Variants in CNTN4 observed in about 807,000 individuals in gnomAD.
CNTN4 encodes contactin 4.
CNTN4 carries 77 observed loss-of-function variants against 122.5 expected under a neutral mutation model. The observed-to-expected ratio is 0.63, with a 90% CI of 0.52 to 0.76. The LOEUF is 0.76. Among genes scored for constraint, CNTN4 ranks in the 30% least tolerant of loss-of-function variants. The pLI is 0.00. For missense variants in CNTN4, 1,256 were observed against 1,259.1 expected, an observed-to-expected ratio of 1.00 and a Z score of 0.04; for synonymous variants, 512 against 447.0, an observed-to-expected ratio of 1.15 and a Z score of -1.83.
intron 2 of CNTN4, among the ~76,000 whole-genome samples, chr3:2,212,869 T>A (rs1042789347): frequency 1.3e-5 from 2 of 152,190 alleles, no homozygotes; most frequent in Non-Finnish European, 2.9e-5. Flanking sequence ...ATATATAGCT[T>A]GGGTTGAGAT....
At chr3:2,602,319 G>T (rs2081080837) in intron 4 of CNTN4, among the ~76,000 whole-genome samples, 1 of 152,152 alleles carries the variant, frequency 6.6e-6, no homozygotes. Flanking sequence ...GTTTGCAGAT[G>T]ACATGATTGT....
At chr3:2,491,510 G>A (rs1343184104) in intron 3 of CNTN4, among the ~76,000 whole-genome samples, 1 of 152,136 alleles carries the variant, frequency 6.6e-6, no homozygotes, top group Non-Finnish European at 1.5e-5. Flanking sequence ...GAACGTGTAA[G>A]CACTTTCACA....
chr3:2,680,073 T>A (rs112314749), intron 4 of CNTN4, among the ~76,000 whole-genome samples: 246 of 152,338 alleles, frequency 1.6e-3, no homozygotes, highest in African/African-American at 5.4e-3. Flanking sequence ...TATTATTAGG[T>A]TCTGGGAGTA....
intron 3 of CNTN4, among the ~76,000 whole-genome samples, chr3:2,481,038 TTTC>T (rs1453361668): frequency 2.2e-5 from 3 of 135,022 alleles, no homozygotes; most frequent in South Asian, 2.7e-4. Flanking sequence ...TTTTCTTTTC[TTTC>T]TTTCTTTCTT....
chr3:2,275,752 T>G (rs2041480484), intron 2 of CNTN4, among the ~76,000 whole-genome samples: 1 of 151,680 alleles, frequency 6.6e-6, no homozygotes, highest in East Asian at 1.9e-4. Flanking sequence ...AAACCCCGTT[T>G]CTACTGAAAA....
At chr3:2,136,774 A>G (rs972670391) in intron 2 of CNTN4, among the ~76,000 whole-genome samples, 3 of 152,146 alleles carry the variant, frequency 2.0e-5, no homozygotes, top group African/African-American at 7.2e-5. Flanking sequence ...AATTACAGAT[A>G]CCACTCAAAA....
intron 3 of CNTN4, among the ~76,000 whole-genome samples, chr3:2,445,021 CTCTAT>C (rs796363720): frequency 3.0e-3 from 430 of 145,138 alleles, no homozygotes; most frequent in African/African-American, 0.011. Flanking sequence ...AAATCTATCT[CTCTAT>C]CTATCTATCT....
In CNTN4 at chr3:3,057,574, C is replaced by T. The variant is rs1304409235; in HGVS notation, c.*1354C>T. ...ACATTTTCTCATGTAAACATGCTGCCACCTTTTCTTCTTTCTCAGAGAACT... is the reference window on the plus strand; with the variant it reads ...ACATTTTCTCATGTAAACATGCTGCTACCTTTTCTTCTTTCTCAGAGAACT... On this transcript the variant is annotated 3_prime_UTR_variant, in exon 25 of 25. Transcript: ENST00000418658. The T allele has an allele frequency of 6.6e-6, 1 of 152,590 alleles. No individual in the cohort carries two copies. Among genetic ancestry groups the T allele is most frequent in the Non-Finnish European group, 1.5e-5 (1 of 68,028 alleles). The allele number at this position is 152,590 out of a possible 1,614,324, so 9.5% of individuals were successfully genotyped here. A position where few individuals can be genotyped will look rare whatever the true frequency, so the allele number is the denominator to read the frequency against.
intron 2 of CNTN4, among the ~76,000 whole-genome samples, chr3:2,338,594 G>A (rs1017454749): frequency 4.0e-5 from 6 of 151,748 alleles, no homozygotes; most frequent in Non-Finnish European, 8.8e-5. Context: ...GTAAAATTAA[G>A]TGTGTGTGTA....
intron 3 of CNTN4, among the ~76,000 whole-genome samples, chr3:2,539,051 T>G (rs2077927763): frequency 6.6e-6 from 1 of 152,054 alleles, no homozygotes; most frequent in Admixed American, 6.6e-5. Flanking sequence ...CTATTGGAAT[T>G]TGTGCTGTAG....
At chr3:2,246,878 A>G (rs1448241174) in intron 2 of CNTN4, among the ~76,000 whole-genome samples, 1 of 151,924 alleles carries the variant, frequency 6.6e-6, no homozygotes, top group Non-Finnish European at 1.5e-5. Context: ...GTTCAGTGTA[A>G]TGTGGCTGCG....
chr3:2,535,534 T>G (rs891785360), intron 3 of CNTN4, among the ~76,000 whole-genome samples: 3 of 152,148 alleles, frequency 2.0e-5, no homozygotes, highest in African/African-American at 7.2e-5. Context: ...ACTTGCCTCT[T>G]TAGAGACTTG....
chr3:2,965,974 T>G (rs1692264728), intron 13 of CNTN4, among the ~76,000 whole-genome samples: 1 of 152,180 alleles, frequency 6.6e-6, no homozygotes, highest in African/African-American at 2.4e-5. Flanking sequence ...GGAACCACAT[T>G]ATTTTATCTG....
chr3:3,002,344 A>C lies in CNTN4; in HGVS notation c.1486+13872A>C, dbSNP rs188602100. On this transcript the variant is annotated intron_variant, in intron 14 of 24. Transcript: ENST00000418658. ...AAAGAAAAAGCCATAAAATACCGACAAAGTAGCTCTTCCTCTTGGCTAATT... is the reference window on the plus strand; with the variant it reads ...AAAGAAAAAGCCATAAAATACCGACCAAGTAGCTCTTCCTCTTGGCTAATT... Among the ~76,000 whole-genome samples, 4 of 152,326 alleles carry C rather than the reference A, an allele frequency of 2.6e-5. No individual in the cohort carries two copies. In the East Asian group the frequency reaches 7.7e-4, roughly 29 times the overall value.
intron 5 of CNTN4, among the ~76,000 whole-genome samples, chr3:2,739,511 G>A (rs2089332377): frequency 6.6e-6 from 1 of 152,110 alleles, no homozygotes; most frequent in Admixed American, 6.6e-5. Flanking sequence ...GAGTAAACCA[G>A]TTCACAGCCA....
At chr3:2,783,068 C>T (rs1396154304) in intron 6 of CNTN4, among the ~76,000 whole-genome samples, 1 of 151,908 alleles carries the variant, frequency 6.6e-6, no homozygotes, top group Non-Finnish European at 1.5e-5. Context: ...CACTTGAGGC[C>T]AGGAGTTCAG....
chr3:2,536,313 C>G (rs567762347), intron 3 of CNTN4, among the ~76,000 whole-genome samples: 1 of 152,142 alleles, frequency 6.6e-6, no homozygotes, highest in Non-Finnish European at 1.5e-5. Flanking sequence ...TAAGCCTAAT[C>G]CTACTGCTTT....
chr3:2,963,741 G>A (rs1158398651), intron 13 of CNTN4, among the ~76,000 whole-genome samples: 2 of 152,096 alleles, frequency 1.3e-5, no homozygotes, highest in Non-Finnish European at 2.9e-5. Flanking sequence ...ACATATTACT[G>A]CACTAACTTA....
At chr3:2,698,466 T>A (rs2728029) in intron 4 of CNTN4, among the ~76,000 whole-genome samples, 25,168 of 152,090 alleles carry the variant, frequency 0.17, 2,453 homozygotes, top group South Asian at 0.4. Flanking sequence ...GAGCTCAGAG[T>A]GACCACAGCG....
Sources: gnomAD v4.1 joint callset for allele counts (sites outside exome capture counted in the v4.1 genomes callset) on GRCh38, gnomAD v4.1.1 for gene constraint, MANE v1.5 for transcripts, NCBI Gene and HGNC (gene_info 2026-07-23, HGNC 2026-07-21) for gene names.